Variants in RBFOX3 observed in about 807,000 individuals in gnomAD.
RBFOX3 encodes the protein RNA binding fox-1 homolog 3.
A neutral mutation model predicts 48.7 loss-of-function variants in RBFOX3; 17 were observed. The ratio of observed to expected loss-of-function variants is 0.35; its 90% CI spans 0.24 to 0.52. The LOEUF is 0.52. Among genes scored for constraint, RBFOX3 ranks in the 20% least tolerant of loss-of-function variants. The pLI, the probability that RBFOX3 is intolerant of heterozygous loss-of-function variation, is 0.94. For synonymous variants in RBFOX3, 212 were observed against 209.5 expected, an observed-to-expected ratio of 1.01 and a Z score of -0.10; for missense variants, 382 against 497.5, an observed-to-expected ratio of 0.77 and a Z score of 2.21.
intron 12 of RBFOX3, 93 bp from the exon 13 acceptor site, chr17:79,095,667 G>T: frequency 1.7e-6 from 2 of 1,173,280 alleles, no homozygotes; most frequent in Non-Finnish European, 2.5e-6. Flanking sequence ...CCCTGTGCGG[G>T]TGGGGCCCTG....
chr17:79,182,925 A>T (rs1186416306), intron 4 of RBFOX3, among the ~76,000 whole-genome samples: 1 of 137,312 alleles, frequency 7.3e-6, no homozygotes, highest in Non-Finnish European at 1.6e-5. Context: ...GAAGTTCCCC[A>T]AAGTGACCCG....
rs774938437 is a variant in RBFOX3 at position 79,111,467 on chromosome 17, GCT to G, written c.222+4025_222+4026del. On this transcript the variant is annotated intron_variant, in intron 5 of 14. Coordinates refer to ENST00000693108, the MANE Select transcript of RBFOX3 (RefSeq NM_001350451.2). The surrounding 1 kb of genome is among the most constrained non-coding windows in gnomAD (Gnocchi z 4.2). ...CTCTCTCTCTTTTTCTCAGAGTTTT[GCT>G]CTGTCGCCCAGGCTGGAGTGCAGCG... Among the ~76,000 whole-genome samples the G allele has an allele frequency of 6.6e-6, 1 of 152,076 alleles. No homozygotes were observed. The highest frequency in any genetic ancestry group is 1.5e-5 in the Non-Finnish European group (1 of 68,010).
chr17:79,361,066 G>T lies in RBFOX3; in HGVS notation c.-174-53242C>A, dbSNP rs1399579320. The stretch of plus-strand genomic sequence containing the variant: ...GAAGTTCACGTCTCAGGCAAAGGAA[G>T]GGAAAGGAATAAATGGCCGAACCCC... On this transcript the variant is annotated intron_variant, in intron 2 of 14. Coordinates refer to ENST00000693108, the MANE Select transcript of RBFOX3 (RefSeq NM_001350451.2). This position sits in a 1 kb window ranked among gnomAD's most constrained non-coding sequence, Gnocchi z 4.5. Among the ~76,000 whole-genome samples the T allele has an allele frequency of 6.6e-6, 1 of 152,116 alleles. No homozygotes were observed. The highest frequency in any genetic ancestry group is 1.5e-5 in the Non-Finnish European group (1 of 68,026).
At chr17:79,213,812 G>T (rs2058677165) in intron 4 of RBFOX3, among the ~76,000 whole-genome samples, 1 of 152,222 alleles carries the variant, frequency 6.6e-6, no homozygotes, top group Admixed American at 6.5e-5. Flanking sequence ...AGGACAAAGG[G>T]CTGCGAACGT....
upstream of RBFOX3, among the ~76,000 whole-genome samples, chr17:79,615,221 T>G (rs2093989311): frequency 6.6e-6 from 1 of 152,166 alleles, no homozygotes; most frequent in Non-Finnish European, 1.5e-5. Context: ...AATCCCTTAC[T>G]TCACAAAATT....
intron 1 of RBFOX3, among the ~76,000 whole-genome samples, chr17:79,512,617 A>C (rs1344547445): frequency 5.5e-4 from 73 of 132,510 alleles, no homozygotes; most frequent in African/African-American, 2.0e-3. Context: ...CAGGGGACGC[A>C]CACCCGGATA....
the RBFOX3 span, among the ~76,000 whole-genome samples, chr17:79,637,512 G>A: frequency 6.6e-6 from 1 of 151,882 alleles, no homozygotes. Flanking sequence ...TGGCTAACAT[G>A]GTGAAACCCC....
At chr17:79,138,585 T>C (rs2040829422) in intron 4 of RBFOX3, among the ~76,000 whole-genome samples, 1 of 151,850 alleles carries the variant, frequency 6.6e-6, no homozygotes, top group Non-Finnish European at 1.5e-5. Flanking sequence ...TACACCTGTA[T>C]GGTGATGCAA....
In RBFOX3 at chr17:79,390,911, C is replaced by G. The variant is rs1187330097; in HGVS notation, c.-174-83087G>C. Among the ~76,000 whole-genome samples, 1 of 152,170 alleles carries G rather than the reference C, an allele frequency of 6.6e-6. No homozygotes were observed. The highest frequency in any genetic ancestry group is 1.5e-5 in the Non-Finnish European group (1 of 68,024). On this transcript the variant is annotated intron_variant, in intron 2 of 14. Transcript: ENST00000693108. The surrounding 1 kb of genome is among the most constrained non-coding windows in gnomAD (Gnocchi z 4.2). ...AGCCCCTGGTGGGACTGCTCGGGTG[C>G]CGGCAGGGAGTTCCTGGACCCACCC...
At chr17:79,148,875 G>A (rs553754781) in intron 4 of RBFOX3, among the ~76,000 whole-genome samples, 3 of 152,324 alleles carry the variant, frequency 2.0e-5, no homozygotes, top group Admixed American at 6.5e-5. Context: ...GACCACCCTC[G>A]CTGGCACTGA....
At chr17:79,150,883 G>A (rs887029518) in intron 4 of RBFOX3, among the ~76,000 whole-genome samples, 1 of 152,196 alleles carries the variant, frequency 6.6e-6, no homozygotes, top group Non-Finnish European at 1.5e-5. Context: ...ATGGGAGGAC[G>A]AGGGCTTGCT....
chr17:79,501,889 A>T lies in RBFOX3; in HGVS notation c.-319-19291T>A, dbSNP rs1271013274. Among the ~76,000 whole-genome samples, 13 of 152,234 alleles carry T rather than the reference A, an allele frequency of 8.5e-5. 1 individual carries two copies. The highest frequency in any genetic ancestry group is 8.5e-4 in the Admixed American group (13 of 15,288). ...GGGGGAGATATTTAAAGCCAGAAGT[A>T]TCCCTCCAGAATTGATTTTGTTCTC... On this transcript the variant is annotated intron_variant, in intron 1 of 14. Coordinates refer to ENST00000693108, the MANE Select transcript of RBFOX3 (RefSeq NM_001350451.2).
intron 2 of RBFOX3, among the ~76,000 whole-genome samples, chr17:79,338,370 C>T (rs867765740): frequency 2.7e-5 from 4 of 149,370 alleles, no homozygotes; most frequent in South Asian, 2.1e-4. Context: ...TGCCCTGAGC[C>T]GAGAATATCA....
chr17:79,378,677 C>T (rs1379846833), intron 2 of RBFOX3, among the ~76,000 whole-genome samples: 1 of 152,186 alleles, frequency 6.6e-6, no homozygotes, highest in Admixed American at 6.5e-5. Context: ...CTCCTGTCCC[C>T]CAGCCTCACC....
At chr17:79,474,109 G>A (rs2077386708) in intron 2 of RBFOX3, among the ~76,000 whole-genome samples, 1 of 150,530 alleles carries the variant, frequency 6.6e-6, no homozygotes, top group Non-Finnish European at 1.5e-5. Flanking sequence ...AGGAATGCAC[G>A]TGTCAATGCA....
At chr17:79,302,750 G>A (rs2075514860) in intron 3 of RBFOX3, among the ~76,000 whole-genome samples, 1 of 152,194 alleles carries the variant, frequency 6.6e-6, no homozygotes, top group Non-Finnish European at 1.5e-5. Context: ...ATTGAACTTG[G>A]CTTGTTTTGC....
intron 1 of RBFOX3, among the ~76,000 whole-genome samples, chr17:79,608,054 G>GCCGC (rs1485938755): frequency 6.6e-6 from 1 of 152,206 alleles, no homozygotes; most frequent in Non-Finnish European, 1.5e-5. Flanking sequence ...CCTGAGGGCG[G>GCCGC]CCGCCCGCAG....
chr17:79,462,627 C>A (rs781818264), intron 2 of RBFOX3, among the ~76,000 whole-genome samples: 1 of 152,194 alleles, frequency 6.6e-6, no homozygotes, highest in Non-Finnish European at 1.5e-5. Flanking sequence ...AGTTAGGGAT[C>A]CTGCTCAGTG....
In RBFOX3 at chr17:79,216,276, G is replaced by T. The variant is rs541592905; in HGVS notation, c.-34+19490C>A. ...CTGTGAGGAGGCTCTGAGAGCCACT[G>T]TGGTCTCTGCGGTGTGTGGCATTCT... is the stretch of plus-strand genomic sequence containing the variant. On this transcript the variant is annotated intron_variant, in intron 4 of 14. Transcript: ENST00000693108. 2.0e-5 allele frequency among the ~76,000 whole-genome samples: 3 copies of T among 152,340 alleles called. No homozygotes were observed. The East Asian group carries it at 5.8e-4, about 29-fold the overall frequency.
Sources: allele counts gnomAD v4.1 joint callset (sites outside exome capture counted in the v4.1 genomes callset), GRCh38; gene constraint gnomAD v4.1.1; non-coding constraint Gnocchi (gnomAD v3.1); transcripts MANE v1.5; gene names NCBI Gene and HGNC (gene_info 2026-07-23, HGNC 2026-07-21).